The following TMC1 variants were observed in gnomAD, a reference collection of about 807,000 sequenced individuals.
TMC1 encodes the protein transmembrane channel like 1.
Under a neutral mutation model 105.8 loss-of-function variants are expected in TMC1, and 84 were observed. The observed-to-expected ratio is 0.79, with a 90% CI of 0.67 to 0.95. The LOEUF (loss-of-function observed/expected upper bound fraction) is 0.95, where lower values mean the gene tolerates loss of function less well. TMC1 is among the 40% of genes least tolerant of loss of function. TMC1 has a pLI of 0.00. For synonymous variants in TMC1, 315 were observed against 311.5 expected, an observed-to-expected ratio of 1.01 and a Z score of -0.12; for missense variants, 817 against 914.1, an observed-to-expected ratio of 0.89 and a Z score of 1.37.
intron 23 of TMC1, among the ~76,000 whole-genome samples, chr9:72,835,192 G>GA (rs1346523264): frequency 1.3e-5 from 2 of 152,042 alleles, no homozygotes; most frequent in Non-Finnish European, 1.5e-5. Context: ...GTGAAAGGGT[G>GA]AAAGTTCAAT....
intron 2 of TMC1, among the ~76,000 whole-genome samples, chr9:72,603,845 G>C (rs1824863372): frequency 1.4e-5 from 2 of 139,890 alleles, no homozygotes. Context: ...ACTGCGACCG[G>C]CTGTTTTTTT....
chr9:72,594,016 T>C (rs1824681463), intron 2 of TMC1, among the ~76,000 whole-genome samples: 1 of 152,228 alleles, frequency 6.6e-6, no homozygotes, highest in South Asian at 2.1e-4. Flanking sequence ...ATTCTGCTGT[T>C]GTCTTTGTTA....
intron 8 of TMC1, among the ~76,000 whole-genome samples, chr9:72,722,416 A>T (rs914975251): frequency 1.3e-5 from 2 of 152,162 alleles, no homozygotes; most frequent in African/African-American, 4.8e-5. Flanking sequence ...TGCTTCTTCC[A>T]TGCCTGACTT....
At chr9:72,586,049 G>A (rs1035588285) in intron 2 of TMC1, among the ~76,000 whole-genome samples, 4 of 152,144 alleles carry the variant, frequency 2.6e-5, no homozygotes, top group Admixed American at 6.6e-5. Context: ...TGTGCTTTTG[G>A]AAACAATTTA....
intron 5 of TMC1, among the ~76,000 whole-genome samples, chr9:72,670,333 A>G (rs1826109623): frequency 6.6e-6 from 1 of 152,192 alleles, no homozygotes; most frequent in African/African-American, 2.4e-5. Flanking sequence ...GCAGTGAGAA[A>G]AAATTAGTCC....
intron 13 of TMC1, among the ~76,000 whole-genome samples, chr9:72,779,385 A>G (rs1003807293): frequency 6.6e-6 from 1 of 152,238 alleles, no homozygotes; most frequent in African/African-American, 2.4e-5. Flanking sequence ...TGACCATGCT[A>G]GCTCCCCAGC....
chr9:72,742,759 C>A (rs886698640), intron 10 of TMC1, among the ~76,000 whole-genome samples: 1 of 152,160 alleles, frequency 6.6e-6, no homozygotes, highest in African/African-American at 2.4e-5. Flanking sequence ...CTACCTTAGT[C>A]CAAAACATTA....
chr9:72,733,215 TAGAG>T (rs1302573732), intron 8 of TMC1, among the ~76,000 whole-genome samples: 1 of 151,074 alleles, frequency 6.6e-6, no homozygotes, highest in African/African-American at 2.4e-5. Flanking sequence ...TTGAGAGAGA[TAGAG>T]AGAGAGAGAT....
chr9:72,762,321 C>A (rs1827770086), intron 12 of TMC1, among the ~76,000 whole-genome samples: 2 of 152,140 alleles, frequency 1.3e-5, no homozygotes, highest in African/African-American at 2.4e-5. Context: ...TTGGTCCACT[C>A]TGGTGGGTCC....
intron 8 of TMC1, among the ~76,000 whole-genome samples, chr9:72,704,718 A>G (rs544121414): frequency 3.2e-4 from 48 of 152,244 alleles, no homozygotes; most frequent in African/African-American, 1.2e-3. Context: ...TATCAATACA[A>G]TTTCACACAT....
chr9:72,526,378 C>G (rs1035504985), intron 1 of TMC1, among the ~76,000 whole-genome samples: 1 of 152,146 alleles, frequency 6.6e-6, no homozygotes, highest in East Asian at 1.9e-4. Context: ...CAGTAAAAAA[C>G]CCTCAATGGA....
At chr9:72,788,534 T>C (rs530182686) in intron 14 of TMC1, 51 bp downstream of exon 14, 191 of 1,593,576 alleles carry the variant, frequency 1.2e-4, no homozygotes, top group Admixed American at 6.8e-4. Flanking sequence ...AAGAGTAAAA[T>C]TGGAGGCATT....
At chr9:72,615,630 T>G (rs1001242432) in intron 2 of TMC1, among the ~76,000 whole-genome samples, 8 of 152,138 alleles carry the variant, frequency 5.3e-5, no homozygotes, top group African/African-American at 1.9e-4. Flanking sequence ...AATGTATAGG[T>G]TTTTAAAAAA....
chr9:72,729,152 A>G (rs1182148331), intron 8 of TMC1, among the ~76,000 whole-genome samples: 1 of 152,074 alleles, frequency 6.6e-6, no homozygotes, highest in East Asian at 1.9e-4. Context: ...TTATTCACTA[A>G]CACCAGCATC....
chr9:72,835,912 C>CTTTTTTTTTTTTTTT, intron 23 of TMC1, 39 bp from the exon 24 acceptor site: 1 of 1,436,376 alleles, frequency 7.0e-7, no homozygotes, highest in East Asian at 2.3e-5. Flanking sequence ...TCTCTCTCTC[C>CTTTTTTTTTTTTTTT]TTGTTTTTTT....
Position 72,754,837 on chromosome 9 carries a change from G to A in TMC1, c.694G>A (p.Ala232Thr). The A allele has an allele frequency of 6.2e-7, 1 of 1,614,158 alleles. No homozygotes were observed. The highest frequency in any genetic ancestry group is 1.1e-5 in the South Asian group (1 of 91,074). ...GSLPRKTVPR[A>T]EEASAANFGV... ...TTTACCTAGGAAAACCGTTCCCAGA[G>A]CCGAAGAGGCATCGGCAGCAAACTT... The change falls in exon 12 of 24, where the codon GCC (alanine) becomes ACC (threonine). Residue 232 changes from alanine to threonine, a missense_variant. Transcript: ENST00000297784.
At chr9:72,741,108 ATCT>A (rs1189429492) in intron 9 of TMC1, 1 of 141,386 alleles carries the variant, frequency 7.1e-6, no homozygotes, top group African/African-American at 2.8e-5. Flanking sequence ...GTTATGAGTA[ATCT>A]TTTTTTTTTT....
Position 72,835,727 on chromosome 9 carries a change from T to A in TMC1, c.2261-224T>A, listed in dbSNP as rs530902268. The stretch of plus-strand genomic sequence containing the variant: ...AGTAGTACATTCATTCTGCCTTGTT[T>A]AGAATATGTGAAGCCTTTGCAAACT... On this transcript the variant is annotated intron_variant, in intron 23 of 23. Transcript: ENST00000297784. Among the ~76,000 whole-genome samples, 5 of 152,228 alleles carry A rather than the reference T, an allele frequency of 3.3e-5. No homozygotes were observed. In the South Asian group the frequency reaches 1.0e-3, roughly 32 times the overall value.
intron 5 of TMC1, among the ~76,000 whole-genome samples, chr9:72,666,294 G>T (rs923023014): frequency 2.0e-5 from 3 of 151,908 alleles, no homozygotes; most frequent in African/African-American, 7.3e-5. Flanking sequence ...AAGAAAAAGT[G>T]CTTTAATATT....
Sources: gnomAD v4.1 joint callset for allele counts (sites outside exome capture counted in the v4.1 genomes callset) on GRCh38, gnomAD v4.1.1 for gene constraint, MANE v1.5 for transcripts, NCBI Gene and HGNC (gene_info 2026-07-23, HGNC 2026-07-21) for gene names.